PDGFD: variants seen among roughly 807,000 people sequenced by gnomAD.
PDGFD encodes the protein platelet derived growth factor D, also known as platelet-derived growth factor D.
PDGFD carries 30 observed loss-of-function variants against 44.7 expected under a neutral mutation model. That is an observed-to-expected ratio of 0.67 (90% CI 0.50 to 0.91). PDGFD has a LOEUF of 0.91. PDGFD is among the 40% of genes least tolerant of loss of function. The pLI is 0.00. For synonymous variants in PDGFD, 173 were observed against 168.4 expected, an observed-to-expected ratio of 1.03 and a Z score of -0.21; for missense variants, 445 against 457.8, an observed-to-expected ratio of 0.97 and a Z score of 0.25.
chr11:103,923,995 C>T (rs945864780), intron 6 of PDGFD, among the ~76,000 whole-genome samples: 2 of 152,176 alleles, frequency 1.3e-5, no homozygotes, highest in African/African-American at 2.4e-5. Context: ...TACACATTAA[C>T]TGAGAACAGA....
intron 6 of PDGFD, among the ~76,000 whole-genome samples, chr11:103,916,305 G>A (rs1401418506): frequency 6.9e-5 from 10 of 143,928 alleles, no homozygotes; most frequent in Admixed American, 6.9e-4. Context: ...CTCAAAAGAA[G>A]ACATTTATGC....
chr11:103,984,362 G>T (rs1356818091), intron 3 of PDGFD, among the ~76,000 whole-genome samples: 1 of 151,274 alleles, frequency 6.6e-6, no homozygotes, highest in African/African-American at 2.4e-5. Context: ...TAAATGATGA[G>T]AATACATGGA....
intron 3 of PDGFD, among the ~76,000 whole-genome samples, chr11:103,966,673 A>T (rs2134341021): frequency 6.6e-6 from 1 of 152,288 alleles, no homozygotes; most frequent in East Asian, 1.9e-4. Flanking sequence ...CAAAAATAAA[A>T]AGGAAACTTT....
At chr11:104,142,475 T>C (rs552972596) in intron 1 of PDGFD, among the ~76,000 whole-genome samples, 2 of 152,150 alleles carry the variant, frequency 1.3e-5, no homozygotes, top group Admixed American at 6.6e-5. Context: ...CACATATCTA[T>C]TAGAGATGAT....
intron 1 of PDGFD, among the ~76,000 whole-genome samples, chr11:104,121,964 T>A (rs989158193): frequency 6.6e-6 from 1 of 152,016 alleles, no homozygotes. Context: ...CTGATGATAA[T>A]ATAGTAGCAA....
At chr11:104,008,683 A>G (rs1251378834) in intron 1 of PDGFD, among the ~76,000 whole-genome samples, 1 of 152,162 alleles carries the variant, frequency 6.6e-6, no homozygotes, top group East Asian at 1.9e-4. Context: ...GATACTCAAA[A>G]GTGCTGTATA....
At position 104,064,815 on chromosome 11, in the gene PDGFD, T is replaced by C. The variant is rs973182305; in HGVS notation, c.125-64560A>G. 4.6e-5 allele frequency among the ~76,000 whole-genome samples: 7 copies of C among 152,330 alleles called. No individual in the cohort carries two copies. The South Asian group carries it at 1.4e-3, about 32-fold the overall frequency. On this transcript the variant is annotated intron_variant, in intron 1 of 6. Transcript: ENST00000393158. ...AACTGAGGCAATATATAAATGTTTA[T>C]GCTGCAAATTAACAATACATAGTTA...
intron 1 of PDGFD, among the ~76,000 whole-genome samples, chr11:104,131,423 GA>G (rs1457024111): frequency 6.6e-6 from 1 of 152,088 alleles, no homozygotes; most frequent in African/African-American, 2.4e-5. Context: ...TCTAAAATGT[GA>G]AAAACAAATG....
At chr11:103,947,259 C>T (rs969275214) in intron 4 of PDGFD, among the ~76,000 whole-genome samples, 1 of 152,102 alleles carries the variant, frequency 6.6e-6, no homozygotes, top group African/African-American at 2.4e-5. Flanking sequence ...TCTGAAAAGA[C>T]CCTTGAAAAT....
chr11:103,909,610 T>G lies in PDGFD; in HGVS notation c.*84A>C. 1 of 1,541,484 alleles carries G rather than the reference T, an allele frequency of 6.5e-7. No homozygotes were observed. Among genetic ancestry groups the G allele is most frequent in the Non-Finnish European group, 8.9e-7 (1 of 1,123,048 alleles). On this transcript the variant is annotated 3_prime_UTR_variant, in exon 7 of 7. Transcript: ENST00000393158. ...CATTGCAGGCTAGTAGTAAGTTTGG[T>G]TGCTGGTAGGAAAAGGGTCTCTTAT...
intron 1 of PDGFD, among the ~76,000 whole-genome samples, chr11:104,107,333 T>G (rs920606188): frequency 6.6e-6 from 1 of 152,128 alleles, no homozygotes; most frequent in Non-Finnish European, 1.5e-5. Context: ...CACGCGATGC[T>G]GGATGACCTC....
Position 103,908,164 on chromosome 11 carries a change from A to G in PDGFD, c.*1530T>C, listed in dbSNP as rs957989784. 2 of 152,248 alleles carry G rather than the reference A, an allele frequency of 1.3e-5. No homozygotes were observed. The highest frequency in any genetic ancestry group is 2.9e-5 in the Non-Finnish European group (2 of 68,046). 9.4% of individuals were successfully genotyped at this position (152,248 alleles called of 1,614,324 possible). The stretch of plus-strand genomic sequence containing the variant: ...TGCTTTCCTTTTAACTTTCAAGGCA[A>G]TAAGAAAAATGTAGTTCTCTGTTAG... On this transcript the variant is annotated 3_prime_UTR_variant, in exon 7 of 7. Coordinates refer to ENST00000393158, the MANE Select transcript of PDGFD (RefSeq NM_025208.5).
At chr11:104,052,994 G>A (rs1002971391) in intron 1 of PDGFD, among the ~76,000 whole-genome samples, 1 of 152,036 alleles carries the variant, frequency 6.6e-6, no homozygotes, top group African/African-American at 2.4e-5. Flanking sequence ...AATATTGGTG[G>A]TAACAGTGAC....
At chr11:103,925,716 C>CAT (rs370841769) in intron 6 of PDGFD, among the ~76,000 whole-genome samples, 32,182 of 122,204 alleles carry the variant, frequency 0.26, 4,779 homozygotes, top group East Asian at 0.42. Context: ...CACACACACA[C>CAT]ATATATATAT....
intron 1 of PDGFD, among the ~76,000 whole-genome samples, chr11:104,033,088 A>G (rs532855510): frequency 1.3e-5 from 2 of 151,324 alleles, no homozygotes; most frequent in Non-Finnish European, 2.9e-5. Context: ...TATATTTTAT[A>G]TATATATATA....
At chr11:104,073,693 G>C (rs1860912250) in intron 1 of PDGFD, among the ~76,000 whole-genome samples, 1 of 152,138 alleles carries the variant, frequency 6.6e-6, no homozygotes, top group Non-Finnish European at 1.5e-5. Context: ...TGTTACTTTA[G>C]ACATAAATGC....
At chr11:104,106,194 C>A (rs530643519) in intron 1 of PDGFD, among the ~76,000 whole-genome samples, 1 of 152,116 alleles carries the variant, frequency 6.6e-6, no homozygotes, top group Admixed American at 6.6e-5. Context: ...CAAACCTCCA[C>A]GCACGATAGT....
Position 104,159,153 on chromosome 11 carries a change from C to CAAA in PDGFD, c.124+4648_124+4650dup, listed in dbSNP as rs765727400. ...GGGTGACAAGAGGCAGACTCCATCT[C>CAAA]AAAAAAAAAAAAAAAAAAAAACTAT... On this transcript the variant is annotated intron_variant, in intron 1 of 6. Coordinates refer to ENST00000393158, the MANE Select transcript of PDGFD (RefSeq NM_025208.5). Among the ~76,000 whole-genome samples, 399 of 66,332 alleles carry CAAA rather than the reference C, an allele frequency of 6.0e-3. 5 individuals carry two copies. The highest frequency in any genetic ancestry group is 0.015 in the Middle Eastern group (2 of 130). 43.5% of individuals were successfully genotyped at this position (66,332 alleles called of 152,430 possible). A position where few individuals can be genotyped will look rare whatever the true frequency, so the allele number is the denominator to read the frequency against.
chr11:104,107,540 T>G lies in PDGFD; in HGVS notation c.124+56264A>C, dbSNP rs79176189. 2.8e-3 allele frequency among the ~76,000 whole-genome samples: 421 copies of G among 152,324 alleles called. 6 individuals are homozygous for G. In the East Asian group the frequency reaches 0.043, roughly 15 times the overall value. On this transcript the variant is annotated intron_variant, in intron 1 of 6. Coordinates refer to ENST00000393158, the MANE Select transcript of PDGFD (RefSeq NM_025208.5). ...AGATAATAAATGTGTTGTTTTAAGC[T>G]GGTAAATTTGTGATATTAATATTTA...
Sources: allele counts gnomAD v4.1 joint callset (sites outside exome capture counted in the v4.1 genomes callset), GRCh38; gene constraint gnomAD v4.1.1; transcripts MANE v1.5; gene names NCBI Gene and HGNC (gene_info 2026-07-23, HGNC 2026-07-21).